The following RNF144B variants were observed in gnomAD, a reference collection of about 807,000 sequenced individuals.
RNF144B encodes E3 ubiquitin-protein ligase RNF144B.
Under a neutral mutation model 40.2 loss-of-function variants are expected in RNF144B, and 25 were observed. The ratio of observed to expected loss-of-function variants is 0.62; its 90% CI spans 0.45 to 0.87. RNF144B has a LOEUF of 0.87. Among genes scored for constraint, RNF144B ranks in the 40% least tolerant of loss-of-function variants. The pLI is 0.00. For missense variants in RNF144B, 365 were observed against 373.7 expected, an observed-to-expected ratio of 0.98 and a Z score of 0.19; for synonymous variants, 145 against 136.3, an observed-to-expected ratio of 1.06 and a Z score of -0.44.
chr6:18,457,830 C>T lies in RNF144B; in HGVS notation c.536+471C>T, dbSNP rs9368001. On this transcript the variant is annotated intron_variant, in intron 5 of 7. Transcript: ENST00000259939. The surrounding 1 kb of genome is among the most constrained non-coding windows in gnomAD (Gnocchi z 5.1). ...ACAACGGTCCTAAATTCTTTCAGCA[C>T]GTAGAAAGGAGGGTTCTCTCATGAT... 2.2e-4 allele frequency among the ~76,000 whole-genome samples: 34 copies of T among 152,248 alleles called. No homozygotes were observed. The East Asian group carries it at 3.1e-3, about 14-fold the overall frequency.
At position 18,459,855 on chromosome 6, in the gene RNF144B, C is replaced by G; in HGVS notation, c.681+104C>G. On this transcript the variant is annotated intron_variant, in intron 6 of 7. Transcript: ENST00000259939. The surrounding 1 kb of genome is among the most constrained non-coding windows in gnomAD (Gnocchi z 4.2). The stretch of plus-strand genomic sequence containing the variant: ...TTAAAATATTGGGGCAATTTTTGTC[C>G]TGCAAAAGGAATTTATTTTTCTTAA... 1 of 1,054,390 alleles carries G rather than the reference C, an allele frequency of 9.5e-7. No individual in the cohort carries two copies. The highest frequency in any genetic ancestry group is 2.5e-5 in the East Asian group (1 of 39,946). 65.3% of individuals were successfully genotyped at this position (1,054,390 alleles called of 1,614,324 possible). A position where few individuals can be genotyped will look rare whatever the true frequency, so the allele number is the denominator to read the frequency against.
Position 18,412,008 on chromosome 6 carries a change from C to A in RNF144B, c.165+12309C>A, listed in dbSNP as rs1795056601. Among the ~76,000 whole-genome samples, 1 of 152,072 alleles carries A rather than the reference C, an allele frequency of 6.6e-6. No individual in the cohort carries two copies. Among genetic ancestry groups the A allele is most frequent in the Non-Finnish European group, 1.5e-5 (1 of 67,998 alleles). On this transcript the variant is annotated intron_variant, in intron 2 of 7. Transcript: ENST00000259939. This position sits in a 1 kb window ranked among gnomAD's most constrained non-coding sequence, Gnocchi z 4.2. ...TTGTATGAAAATTTATTTAACTGGG[C>A]CCCTCCTAAATAATGGATTTTAAGG...
intron 1 of RNF144B, chr6:18,396,502 G>A (rs1169077639): frequency 1.0e-5 from 10 of 984,794 alleles, no homozygotes; most frequent in Non-Finnish European, 1.1e-5. Flanking sequence ...AACAGGATTG[G>A]CTATTCACAC....
At chr6:18,437,147 A>G (rs1018584083) in intron 3 of RNF144B, among the ~76,000 whole-genome samples, 3 of 152,138 alleles carry the variant, frequency 2.0e-5, no homozygotes, top group African/African-American at 7.2e-5. Context: ...AAATATTTAG[A>G]AAAAATGTGA....
At chr6:18,387,684 T>C (rs1794485165) in intron 1 of RNF144B, 54 bp downstream of exon 1, 2 of 1,263,452 alleles carry the variant, frequency 1.6e-6, no homozygotes, top group Non-Finnish European at 2.1e-6. Context: ...CGGAATGGTG[T>C]TGCTGGACTA....
chr6:18,397,362 G>T (rs927045003), intron 1 of RNF144B, among the ~76,000 whole-genome samples: 6 of 152,164 alleles, frequency 3.9e-5, no homozygotes, highest in African/African-American at 1.4e-4. Context: ...CTTGGTTCTT[G>T]TAGGGGGAGG....
At chr6:18,421,090 A>G (rs1183842823) in intron 2 of RNF144B, among the ~76,000 whole-genome samples, 1 of 151,862 alleles carries the variant, frequency 6.6e-6, no homozygotes, top group African/African-American at 2.4e-5. Flanking sequence ...CTCTGTCTCT[A>G]CCAAAAATAC....
At chr6:18,407,707 G>A (rs929824357) in intron 2 of RNF144B, among the ~76,000 whole-genome samples, 1 of 152,036 alleles carries the variant, frequency 6.6e-6, no homozygotes, top group Non-Finnish European at 1.5e-5. Context: ...ACTATTCCTG[G>A]TTGAAATCTA....
At chr6:18,420,483 G>A (rs9350071) in intron 2 of RNF144B, among the ~76,000 whole-genome samples, 4,620 of 152,162 alleles carry the variant, frequency 0.03, 151 homozygotes, top group South Asian at 0.16. Context: ...AGGCTATAGA[G>A]GAGGCAGGCA....
chr6:18,390,667 G>A (rs906797562), intron 1 of RNF144B, among the ~76,000 whole-genome samples: 1 of 152,144 alleles, frequency 6.6e-6, no homozygotes, highest in Non-Finnish European at 1.5e-5. Flanking sequence ...TCATCAACTT[G>A]TTCTTTGTTT....
chr6:18,411,478 TATATATA>T (rs1795035036), intron 2 of RNF144B, among the ~76,000 whole-genome samples: 1 of 42,322 alleles, frequency 2.4e-5, no homozygotes. Flanking sequence ...TATATATATA[TATATATA>T]TATATATATA....
At chr6:18,417,259 C>A (rs907900182) in intron 2 of RNF144B, among the ~76,000 whole-genome samples, 2 of 152,006 alleles carry the variant, frequency 1.3e-5, no homozygotes, top group African/African-American at 4.8e-5. Flanking sequence ...TTTGAGCAAC[C>A]TAGAATGGTG....
At chr6:18,424,209 CAGA>C (rs1758496604) in intron 2 of RNF144B, among the ~76,000 whole-genome samples, 1 of 152,124 alleles carries the variant, frequency 6.6e-6, no homozygotes, top group Non-Finnish European at 1.5e-5. Flanking sequence ...GCCAGAGATA[CAGA>C]AGAAGAGAGG....
At position 18,399,399 on chromosome 6, in the gene RNF144B, A is replaced by G. The variant is rs966376393; in HGVS notation, c.-36-100A>G. 8.3e-5 allele frequency: 69 copies of G among 828,252 alleles called. No individual in the cohort carries two copies. In the East Asian group the frequency reaches 1.9e-3, roughly 23 times the overall value. 51.3% of individuals were successfully genotyped at this position (828,252 alleles called of 1,614,324 possible). A position where few individuals can be genotyped will look rare whatever the true frequency, so the allele number is the denominator to read the frequency against. On this transcript the variant is annotated intron_variant, in intron 1 of 7. Coordinates refer to ENST00000259939, the MANE Select transcript of RNF144B (RefSeq NM_182757.4). ...ATGCATTAGCTGTAAGTTTTGGGATAACTGAGGGTGAGAATTTGATCAGCT... is the reference window on the plus strand; with the variant it reads ...ATGCATTAGCTGTAAGTTTTGGGATGACTGAGGGTGAGAATTTGATCAGCT...
At chr6:18,423,171 G>A (rs1243873667) in intron 2 of RNF144B, among the ~76,000 whole-genome samples, 1 of 152,004 alleles carries the variant, frequency 6.6e-6, no homozygotes, top group Non-Finnish European at 1.5e-5. Context: ...AGTGAATGGG[G>A]GACTCTCCAT....
intron 6 of RNF144B, 130 bp from the exon 7 acceptor site, chr6:18,463,161 A>G (rs1759504922): frequency 8.2e-6 from 5 of 612,536 alleles, no homozygotes; most frequent in South Asian, 7.9e-5. Flanking sequence ...ACAGGCTTGG[A>G]ATTCCTAGAG....
At position 18,443,290 on chromosome 6, in the gene RNF144B, T is replaced by A. The variant is rs10949511; in HGVS notation, c.331+3546T>A. On this transcript the variant is annotated intron_variant, in intron 4 of 7. Coordinates refer to ENST00000259939, the MANE Select transcript of RNF144B (RefSeq NM_182757.4). The surrounding 1 kb of genome is among the most constrained non-coding windows in gnomAD (Gnocchi z 4.7). ...TTTGTTTATTTTTTTTGAGATGGAG[T>A]CTCATTCTGTTGCCCAGGCTGGATT... Among the ~76,000 whole-genome samples the A allele has an allele frequency of 0.12, 18,986 of 151,910 alleles. 1,361 individuals are homozygous for A. Among genetic ancestry groups the A allele is most frequent in the Admixed American group, 0.19 (2,949 of 15,258 alleles).
Position 18,459,814 on chromosome 6 carries a change from T to A in RNF144B, c.681+63T>A. 1.4e-6 allele frequency: 2 copies of A among 1,418,292 alleles called. No homozygotes were observed. The allele number at this position is 1,418,292 out of a possible 1,614,324, so 87.9% of individuals were successfully genotyped here. A position where few individuals can be genotyped will look rare whatever the true frequency, so the allele number is the denominator to read the frequency against. ...TACTGTATCTGCACCACAGCTGATATCCTACAGATTTTCCTTTAAAATATT... is the reference window on the plus strand; with the variant it reads ...TACTGTATCTGCACCACAGCTGATAACCTACAGATTTTCCTTTAAAATATT... On this transcript the variant is annotated intron_variant, in intron 6 of 7. Coordinates refer to ENST00000259939, the MANE Select transcript of RNF144B (RefSeq NM_182757.4). The surrounding 1 kb of genome is among the most constrained non-coding windows in gnomAD (Gnocchi z 4.2).
rs960200833 is a variant in RNF144B at position 18,410,799 on chromosome 6, A to C, written c.165+11100A>C. Among the ~76,000 whole-genome samples the C allele has an allele frequency of 2.6e-5, 4 of 152,162 alleles. No individual in the cohort carries two copies. The highest frequency in any genetic ancestry group is 4.4e-5 in the Non-Finnish European group (3 of 68,024). ...GACTGAAAGTGGGCAAGGCTGGAGCAGGAGGAGGGAACCATGGCAGGCTGA... is the reference window on the plus strand; with the variant it reads ...GACTGAAAGTGGGCAAGGCTGGAGCCGGAGGAGGGAACCATGGCAGGCTGA... On this transcript the variant is annotated intron_variant, in intron 2 of 7. Coordinates refer to ENST00000259939, the MANE Select transcript of RNF144B (RefSeq NM_182757.4). This position sits in a 1 kb window ranked among gnomAD's most constrained non-coding sequence, Gnocchi z 4.6.
Sources: allele counts gnomAD v4.1 joint callset (sites outside exome capture counted in the v4.1 genomes callset), GRCh38; gene constraint gnomAD v4.1.1; non-coding constraint Gnocchi (gnomAD v3.1); transcripts MANE v1.5; gene names NCBI Gene and HGNC (gene_info 2026-07-23, HGNC 2026-07-21).